The following FMOD variants were observed in gnomAD, a reference collection of about 807,000 sequenced individuals.
The protein encoded by FMOD is fibromodulin, also known as KSPG fibromodulin.
FMOD carries 15 observed loss-of-function variants against 27.0 expected under a neutral mutation model. The observed-to-expected ratio is 0.55, with a 90% CI of 0.37 to 0.85. FMOD has a LOEUF of 0.85. Among genes scored for constraint, FMOD ranks in the 40% least tolerant of loss-of-function variants. The pLI is 0.00. For missense variants in FMOD, 460 were observed against 483.2 expected (o/e 0.95, Z 0.45); for synonymous variants, 210 against 214.0 (o/e 0.98, Z 0.16).
chr1:203,348,123 A>T lies in FMOD; in HGVS notation c.148T>A (p.Tyr50Asn). 1 of 1,614,146 alleles carries T rather than the reference A, an allele frequency of 6.2e-7. No homozygotes were observed. The highest frequency in any genetic ancestry group is 8.5e-7 in the Non-Finnish European group (1 of 1,180,016). ...TCCACCCCATAGGGGTAAGGCTCGT[A>T]GGTCTCATACGGGTAAGGGTCATAG... is the stretch of plus-strand genomic sequence containing the variant. ...DPYDPYPYETYEPYPYGVDEG... is the reference protein window; with the variant it reads ...DPYDPYPYETNEPYPYGVDEG... The change falls in exon 2 of 3, where the codon TAC (tyrosine) becomes AAC (asparagine). Residue 50 changes from tyrosine to asparagine, a missense_variant. Physicochemically the swap from Tyr to Asn is moderately radical, Grantham distance 143. Transcript: ENST00000354955.
In FMOD at chr1:203,344,518, C is replaced by T. The variant is rs142181369; in HGVS notation, c.980-2024G>A. 5.9e-3 allele frequency among the ~76,000 whole-genome samples: 903 copies of T among 152,300 alleles called. 5 individuals are homozygous for T. The highest frequency in any genetic ancestry group is 0.03 in the South Asian group (145 of 4,824). On this transcript the variant is annotated intron_variant, in intron 2 of 2. Coordinates refer to ENST00000354955, the MANE Select transcript of FMOD (RefSeq NM_002023.5). ...TTCCAAATTCCTACTGGTGTACCCG[C>T]CCTGCTCCACTGAATCCCAAAGCTT... is the stretch of plus-strand genomic sequence containing the variant.
chr1:203,342,354 T>C lies in FMOD; in HGVS notation c.1120A>G (p.Ile374Val), dbSNP rs1658809433. The C allele has an allele frequency of 3.7e-6, 6 of 1,611,484 alleles. No homozygotes were observed. The Admixed American group carries it at 6.7e-5, about 18-fold the overall frequency. The change falls in exon 3 of 3, where the codon ATC becomes GTC. Residue 374 changes from isoleucine to valine, a missense_variant. By Grantham distance (29) the Ile-to-Val change is conservative. Transcript: ENST00000354955. ...APLCLRLASL[I>V]EI ...GGTGCCAGGGCTGCTCAGATCTCGATGAGGCTGGCAAGGCGCAGGCAGAGG... is the reference window on the plus strand; with the variant it reads ...GGTGCCAGGGCTGCTCAGATCTCGACGAGGCTGGCAAGGCGCAGGCAGAGG...
chr1:203,349,155 C>G (rs1339326084), intron 1 of FMOD, among the ~76,000 whole-genome samples: 1 of 152,230 alleles, frequency 6.6e-6, no homozygotes, highest in Non-Finnish European at 1.5e-5. Context: ...GTTAGCACTC[C>G]TCATGCTCCA....
intron 1 of FMOD, among the ~76,000 whole-genome samples, chr1:203,349,398 T>C (rs1276705985): frequency 1.3e-5 from 2 of 152,170 alleles, no homozygotes; most frequent in African/African-American, 4.8e-5. Flanking sequence ...TTTGAACCTG[T>C]TGTGCTAATG....
In FMOD at chr1:203,348,125, G is replaced by T. The variant is rs1472597667; in HGVS notation, c.146C>A (p.Thr49Asn). ...CACCCCATAGGGGTAAGGCTCGTAG[G>T]TCTCATACGGGTAAGGGTCATAGGG... ...YDPYDPYPYE[T>N]YEPYPYGVDE... The change falls in exon 2 of 3, where the codon ACC (threonine) becomes AAC (asparagine). Residue 49 changes from threonine (T) to asparagine (N), a missense_variant. Transcript: ENST00000354955. 1 of 1,614,194 alleles carries T rather than the reference G, an allele frequency of 6.2e-7. No homozygotes were observed. The highest frequency in any genetic ancestry group is 1.7e-5 in the Admixed American group (1 of 60,028).
In FMOD at chr1:203,347,719, G is replaced by A. The variant is rs776335168; in HGVS notation, c.552C>T (p.Asp184=). The change falls in exon 2 of 3, where the codon GAC becomes GAT. Residue 184 remains aspartate (D), a synonymous_variant. Coordinates refer to ENST00000354955, the MANE Select transcript of FMOD (RefSeq NM_002023.5). ...TGGGGACCCGTGAGATCTGGTTGTG[G>A]TCGAGATGGAGCTCTCTCAGGGATC... is the stretch of plus-strand genomic sequence containing the variant. ...LPRSLRELHL[D]HNQISRVPNN... The A allele has an allele frequency of 4.3e-6, 7 of 1,613,908 alleles. No homozygotes were observed. The East Asian group carries it at 1.3e-4, about 31-fold the overall frequency.
intron 2 of FMOD, among the ~76,000 whole-genome samples, chr1:203,345,712 C>T (rs565427839): frequency 6.6e-6 from 1 of 152,268 alleles, no homozygotes; most frequent in African/African-American, 2.4e-5. Flanking sequence ...TCCTGGCTAA[C>T]ACGGTGAAAC....
rs141336017 is a variant in FMOD, at chr1:203,342,352, G to C, written c.1122C>G (p.Ile374Met). ...APLCLRLASL[I>M]EI is the part of the protein sequence containing the mutation. ...CCGGTGCCAGGGCTGCTCAGATCTC[G>C]ATGAGGCTGGCAAGGCGCAGGCAGA... Residue 374 changes from isoleucine (I) to methionine (M), a missense_variant, in exon 3 of 3, where the codon ATC becomes ATG. Physicochemically the swap from Ile to Met is conservative, Grantham distance 10. Coordinates refer to ENST00000354955, the MANE Select transcript of FMOD (RefSeq NM_002023.5). 6.8e-4 allele frequency: 1,097 copies of C among 1,611,858 alleles called. 6 individuals are homozygous for C. Among genetic ancestry groups the C allele is most frequent in the Non-Finnish European group, 5.7e-4 (675 of 1,178,530 alleles).
Position 203,347,969 on chromosome 1 carries a change from G to T in FMOD, c.302C>A (p.Pro101His). ...ATACTTCATGCGGGAGGGAACGAAGGGCAGGTACTTGAGGTTGCGATTGTC... is the reference window on the plus strand; with the variant it reads ...ATACTTCATGCGGGAGGGAACGAAGTGCAGGTACTTGAGGTTGCGATTGTC... ...YCDNRNLKYL[P>H]FVPSRMKYVY... Residue 101 changes from proline (P) to histidine (H), a missense_variant, in exon 2 of 3, where the codon CCC becomes CAC. Transcript: ENST00000354955. 1.9e-6 allele frequency: 3 copies of T among 1,605,522 alleles called. No individual in the cohort carries two copies. The highest frequency in any genetic ancestry group is 2.6e-6 in the Non-Finnish European group (3 of 1,173,972).
chr1:203,348,323 T>G, intron 1 of FMOD, 46 bp from the exon 2 acceptor site: 1 of 1,573,948 alleles, frequency 6.4e-7, no homozygotes. Flanking sequence ...TGAGTGAGAC[T>G]CCACAGAGGC....
chr1:203,342,514 A>G lies in FMOD; in HGVS notation c.980-20T>C, dbSNP rs1233260857. 6.2e-7 allele frequency: 1 copy of G among 1,610,030 alleles called. No individual in the cohort carries two copies. The highest frequency in any genetic ancestry group is 1.3e-5 in the African/African-American group (1 of 74,972). ...AGAACTCTGTGGGGACAAGAGGAGC[A>G]CGGGTCAGGGAGAGAAGCCCAGATT... On this transcript the variant is annotated intron_variant, in intron 2 of 2. Coordinates refer to ENST00000354955, the MANE Select transcript of FMOD (RefSeq NM_002023.5).
At chr1:203,346,533 T>C (rs572618627) in intron 2 of FMOD, among the ~76,000 whole-genome samples, 1 of 151,774 alleles carries the variant, frequency 6.6e-6, no homozygotes, top group African/African-American at 2.4e-5. Flanking sequence ...AGGAAGTGCT[T>C]ATGAAACAGG....
rs115908597 is a variant in FMOD at position 203,348,146 on chromosome 1, T to C, written c.125A>G (p.Tyr42Cys). ...GTAGGTCTCATACGGGTAAGGGTCA[T>C]AGGGATCGTAGTAGGTGGACTGCTG... Reference protein sequence around the residue: ...RSQQSTYYDPYDPYPYETYEP... With the variant: ...RSQQSTYYDPCDPYPYETYEP... Residue 42 changes from tyrosine to cysteine, a missense_variant, in exon 2 of 3, where the codon TAT (tyrosine) becomes TGT (cysteine). Physicochemically the swap from Tyr to Cys is radical, Grantham distance 194. Transcript: ENST00000354955. The C allele has an allele frequency of 6.2e-7, 1 of 1,614,024 alleles. No homozygotes were observed. The highest frequency in any genetic ancestry group is 1.7e-5 in the Admixed American group (1 of 60,008).
At chr1:203,348,654 G>A (rs1658939388) in intron 1 of FMOD, among the ~76,000 whole-genome samples, 1 of 152,192 alleles carries the variant, frequency 6.6e-6, no homozygotes, top group Admixed American at 6.5e-5. Context: ...TTGTGGTGTG[G>A]TGGTAAGGAT....
At chr1:203,350,306 C>T in intron 1 of FMOD, among the ~76,000 whole-genome samples, 1 of 152,174 alleles carries the variant, frequency 6.6e-6, no homozygotes, top group East Asian at 1.9e-4. Context: ...TACACTGTTT[C>T]CCATAATGCT....
Position 203,348,147 on chromosome 1 carries a change from A to C in FMOD, c.124T>G (p.Tyr42Asp). The C allele has an allele frequency of 3.1e-6, 5 of 1,614,136 alleles. No individual in the cohort carries two copies. The highest frequency in any genetic ancestry group is 3.4e-6 in the Non-Finnish European group (4 of 1,180,014). The change falls in exon 2 of 3, where the codon TAT becomes GAT. Residue 42 changes from tyrosine (Y) to aspartate (D), a missense_variant. Physicochemically the swap from Tyr to Asp is radical, Grantham distance 160 (BLOSUM62 -3). Coordinates refer to ENST00000354955, the MANE Select transcript of FMOD (RefSeq NM_002023.5). ...TAGGTCTCATACGGGTAAGGGTCAT[A>C]GGGATCGTAGTAGGTGGACTGCTGG... Reference protein sequence around the residue: ...RSQQSTYYDPYDPYPYETYEP... With the variant: ...RSQQSTYYDPDDPYPYETYEP...
chr1:203,346,279 C>A (rs1455564867), intron 2 of FMOD, among the ~76,000 whole-genome samples: 1 of 152,008 alleles, frequency 6.6e-6, no homozygotes, highest in African/African-American at 2.4e-5. Context: ...TGCCAGTGGT[C>A]GTTAATGAGT....
At chr1:203,349,231 C>G (rs1052504665) in intron 1 of FMOD, among the ~76,000 whole-genome samples, 1 of 152,214 alleles carries the variant, frequency 6.6e-6, no homozygotes, top group Non-Finnish European at 1.5e-5. Flanking sequence ...AAAAGAATAG[C>G]TAGAGATTGG....
chr1:203,348,310 G>A (rs1433921359), intron 1 of FMOD, 33 bp from the exon 2 acceptor site: 2 of 1,586,908 alleles, frequency 1.3e-6, no homozygotes, highest in African/African-American at 1.3e-5. Flanking sequence ...GAGCAAGCCA[G>A]CATGAGTGAG....
Sources: allele counts gnomAD v4.1 joint callset (sites outside exome capture counted in the v4.1 genomes callset), GRCh38; gene constraint gnomAD v4.1.1; transcripts MANE v1.5; gene names NCBI Gene and HGNC (gene_info 2026-07-23, HGNC 2026-07-21).